Variants in RNF4 observed in about 807,000 individuals in gnomAD.
RNF4 encodes ring finger protein 4.
Under a neutral mutation model 24.3 loss-of-function variants are expected in RNF4, and 7 were observed. The observed-to-expected ratio is 0.29, with a 90% CI of 0.16 to 0.54. The LOEUF is 0.54. Among genes scored for constraint, RNF4 ranks in the 20% least tolerant of loss-of-function variants. The pLI is 0.95. For synonymous variants in RNF4, 83 were observed against 84.3 expected (o/e 0.98, Z 0.09); for missense variants, 209 against 248.5 (o/e 0.84, Z 1.07).
chr4:2,497,131 C>T lies in RNF4; in HGVS notation c.124+10C>T. ...GAACTCGTGGAAACTGGTAAGATTG[C>T]CAGGGACACTACAACTGTGGGGTGT... On this transcript the variant is annotated intron_variant, in intron 3 of 7. Coordinates refer to ENST00000314289, the MANE Select transcript of RNF4 (RefSeq NM_002938.5). The T allele has an allele frequency of 1.3e-6, 2 of 1,580,430 alleles. No homozygotes were observed. Among genetic ancestry groups the T allele is most frequent in the Non-Finnish European group, 1.7e-6 (2 of 1,157,660 alleles).
chr4:2,496,761 C>A (rs1002998377), intron 2 of RNF4, among the ~76,000 whole-genome samples: 1 of 152,084 alleles, frequency 6.6e-6, no homozygotes, highest in Non-Finnish European at 1.5e-5. Flanking sequence ...GCCCAGCCGA[C>A]CTGCTGATAG....
chr4:2,491,529 G>A (rs1306149283), intron 2 of RNF4, among the ~76,000 whole-genome samples: 1 of 151,980 alleles, frequency 6.6e-6, no homozygotes, highest in African/African-American at 2.4e-5. Context: ...TGCAACCTCC[G>A]CCTCCCAGGT....
At chr4:2,510,022 C>A (rs1485563059) in intron 4 of RNF4, among the ~76,000 whole-genome samples, 1 of 152,160 alleles carries the variant, frequency 6.6e-6, no homozygotes, top group East Asian at 1.9e-4. Flanking sequence ...TAAGTTTGGT[C>A]CTGATGGTGA....
At chr4:2,496,266 C>T (rs1273535905) in intron 2 of RNF4, among the ~76,000 whole-genome samples, 1 of 152,136 alleles carries the variant, frequency 6.6e-6, no homozygotes, top group Non-Finnish European at 1.5e-5. Context: ...TATAGAAACT[C>T]AGAAAACTCC....
intron 4 of RNF4, among the ~76,000 whole-genome samples, chr4:2,503,848 A>G (rs1476067641): frequency 6.6e-6 from 1 of 152,132 alleles, no homozygotes; most frequent in Non-Finnish European, 1.5e-5. Flanking sequence ...GAATAGTTTG[A>G]GTGCACTGCT....
At chr4:2,513,371 C>T (rs1295301843) in intron 7 of RNF4, among the ~76,000 whole-genome samples, 1 of 152,188 alleles carries the variant, frequency 6.6e-6, no homozygotes, top group Non-Finnish European at 1.5e-5. Flanking sequence ...GGTGCAAATG[C>T]GTCCTCCTTT....
Position 2,513,847 on chromosome 4 carries a change from G to C in RNF4, c.*28G>C. ...TATTCAGAGCCCCCCAGGAGAGACGGATGGACAGACAGACAGCCAGGTTCT... is the reference window on the plus strand; with the variant it reads ...TATTCAGAGCCCCCCAGGAGAGACGCATGGACAGACAGACAGCCAGGTTCT... On this transcript the variant is annotated 3_prime_UTR_variant, in exon 8 of 8. Coordinates refer to ENST00000314289, the MANE Select transcript of RNF4 (RefSeq NM_002938.5). 6.2e-7 allele frequency: 1 copy of C among 1,613,084 alleles called. No homozygotes were observed. The highest frequency in any genetic ancestry group is 8.5e-7 in the Non-Finnish European group (1 of 1,179,420).
chr4:2,500,453 C>T (rs1735875555), intron 3 of RNF4, among the ~76,000 whole-genome samples: 1 of 152,156 alleles, frequency 6.6e-6, no homozygotes, highest in Non-Finnish European at 1.5e-5. Flanking sequence ...ACCATACCTC[C>T]CCACTCAGAG....
intron 4 of RNF4, among the ~76,000 whole-genome samples, chr4:2,504,475 A>G (rs1199217440): frequency 6.6e-6 from 1 of 150,416 alleles, no homozygotes; most frequent in Non-Finnish European, 1.5e-5. Flanking sequence ...TTTCATGTTT[A>G]TTTTTCTCTT....
At chr4:2,504,906 A>C (rs956837568) in intron 4 of RNF4, among the ~76,000 whole-genome samples, 16 of 151,356 alleles carry the variant, frequency 1.1e-4, no homozygotes, top group African/African-American at 3.9e-4. Flanking sequence ...CTAATTTTTT[A>C]TATTTTTAGT....
At chr4:2,497,824 C>T (rs1258563595) in intron 3 of RNF4, among the ~76,000 whole-genome samples, 2 of 151,938 alleles carry the variant, frequency 1.3e-5, no homozygotes, top group African/African-American at 4.8e-5. Context: ...TTAATAGAGA[C>T]AGGGTTTCAC....
intron 4 of RNF4, 123 bp from the exon 5 acceptor site, chr4:2,511,833 C>T: frequency 7.1e-6 from 7 of 982,476 alleles, no homozygotes; most frequent in Admixed American, 2.1e-5. Flanking sequence ...GGTGGGGCCT[C>T]TGCTGCTCAC....
intron 1 of RNF4, among the ~76,000 whole-genome samples, chr4:2,487,794 T>C (rs944407646): frequency 6.6e-6 from 1 of 152,198 alleles, no homozygotes; most frequent in Admixed American, 6.5e-5. Flanking sequence ...CAAGTCACCC[T>C]TTATTAGAGT....
chr4:2,513,255 GTC>G, intron 7 of RNF4, 124 bp downstream of exon 7: 1 of 892,752 alleles, frequency 1.1e-6, no homozygotes, highest in Non-Finnish European at 1.8e-6. Context: ...TGCCTGGGCC[GTC>G]ACTTATTGCA....
chr4:2,470,450 A>G (rs1414147182), intron 1 of RNF4, among the ~76,000 whole-genome samples: 1 of 152,214 alleles, frequency 6.6e-6, no homozygotes, highest in Admixed American at 6.5e-5. Flanking sequence ...TCGAGTAGCA[A>G]GATATATTGC....
intron 4 of RNF4, among the ~76,000 whole-genome samples, chr4:2,507,688 GCT>G (rs2108776553): frequency 6.6e-6 from 1 of 152,258 alleles, no homozygotes; most frequent in East Asian, 1.9e-4. Flanking sequence ...GTGTTCTGAG[GCT>G]CACCTGTGCT....
At chr4:2,509,374 C>T (rs1736200441) in intron 4 of RNF4, among the ~76,000 whole-genome samples, 1 of 151,780 alleles carries the variant, frequency 6.6e-6, no homozygotes, top group Non-Finnish European at 1.5e-5. Flanking sequence ...CGCGCCACCA[C>T]ACCCAGCTAA....
At chr4:2,474,933 A>G (rs1184322236) in intron 1 of RNF4, among the ~76,000 whole-genome samples, 2 of 152,198 alleles carry the variant, frequency 1.3e-5, no homozygotes, top group Non-Finnish European at 2.9e-5. Flanking sequence ...AAGCTGAGAC[A>G]GGAGAATTGC....
At chr4:2,479,930 CT>C (rs1427631457) in intron 1 of RNF4, 2 of 152,050 alleles carry the variant, frequency 1.3e-5, no homozygotes, top group Non-Finnish European at 2.9e-5. Flanking sequence ...AGCTTGATAA[CT>C]TTTGTTGGGG....
Sources: allele counts gnomAD v4.1 joint callset (sites outside exome capture counted in the v4.1 genomes callset), GRCh38; gene constraint gnomAD v4.1.1; transcripts MANE v1.5; gene names NCBI Gene and HGNC (gene_info 2026-07-23, HGNC 2026-07-21).